The following PAK2 variants were observed in gnomAD, a reference collection of about 807,000 sequenced individuals.
PAK2 encodes the protein p21 (RAC1) activated kinase 2.
Under a neutral mutation model 65.9 loss-of-function variants are expected in PAK2, and 21 were observed. The observed-to-expected ratio is 0.32, with a 90% CI of 0.23 to 0.46. PAK2 has a LOEUF of 0.46. Ranked by LOEUF, PAK2 falls within the 20% of genes least tolerant of loss-of-function variation. The pLI is 1.00. For synonymous variants in PAK2, 204 were observed against 219.7 expected, an observed-to-expected ratio of 0.93 and a Z score of 0.63; for missense variants, 324 against 642.6, an observed-to-expected ratio of 0.50 and a Z score of 5.36.
At chr3:196,764,841 C>CTTTTTTTTTTTTTTTTT (rs57199433) in intron 1 of PAK2, among the ~76,000 whole-genome samples, 1 of 107,640 alleles carries the variant, frequency 9.3e-6, no homozygotes, top group Non-Finnish European at 1.9e-5. Context: ...TCTTTTCTTT[C>CTTTTTTTTTTTTTTTTT]TTTTTTTTTT....
At chr3:196,755,263 T>C (rs1045151102) in intron 1 of PAK2, among the ~76,000 whole-genome samples, 1 of 152,158 alleles carries the variant, frequency 6.6e-6, no homozygotes, top group Non-Finnish European at 1.5e-5. Context: ...GATTGATAGA[T>C]TTTCACTTTG....
At chr3:196,753,874 T>C (rs187858856) in intron 1 of PAK2, among the ~76,000 whole-genome samples, 15 of 152,370 alleles carry the variant, frequency 9.8e-5, no homozygotes, top group African/African-American at 3.6e-4. Flanking sequence ...ATGATCTTTG[T>C]ACTTGGTGCT....
chr3:196,812,392 G>C (rs570601062), intron 9 of PAK2, 125 bp downstream of exon 9: 2 of 706,294 alleles, frequency 2.8e-6, no homozygotes, highest in Non-Finnish European at 5.2e-6. Context: ...ATCGCTCTAC[G>C]TATGTTTATA....
intron 1 of PAK2, among the ~76,000 whole-genome samples, chr3:196,779,796 G>A (rs1254146149): frequency 1.3e-5 from 2 of 152,014 alleles, no homozygotes; most frequent in African/African-American, 4.8e-5. Context: ...TCAGCCTCCC[G>A]AGTAGCTGGG....
At chr3:196,751,661 ATT>A (rs138492901) in intron 1 of PAK2, among the ~76,000 whole-genome samples, 2,645 of 48,402 alleles carry the variant, frequency 0.055, 378 homozygotes, top group African/African-American at 0.13. Flanking sequence ...AAACACACAA[ATT>A]TATTTATATA....
At chr3:196,785,135 A>C (rs1714844239) in intron 2 of PAK2, 1 of 152,252 alleles carries the variant, frequency 6.6e-6, no homozygotes, top group Admixed American at 6.5e-5. Context: ...TGCAGCTCAT[A>C]TTAAAAACCA....
Position 196,807,812 on chromosome 3 carries a change from C to T in PAK2, c.607C>T (p.Pro203Ser). ...IYTRSVIDPVPAPVGDSHVDG... is the reference protein window; with the variant it reads ...IYTRSVIDPVSAPVGDSHVDG... Reference sequence around the variant, plus strand: ...CACACGGTCTGTAATTGACCCTGTTCCTGCACCAGTTGGTGATTCACATGT... The same window carrying T: ...CACACGGTCTGTAATTGACCCTGTTTCTGCACCAGTTGGTGATTCACATGT... The change falls in exon 7 of 15, where the codon CCT becomes TCT. Residue 203 changes from proline to serine, a missense_variant. By Grantham distance (74) the Pro-to-Ser change is moderately conservative. Transcript: ENST00000327134. The T allele has an allele frequency of 2.5e-6, 4 of 1,611,192 alleles. No individual in the cohort carries two copies. Among genetic ancestry groups the T allele is most frequent in the Non-Finnish European group, 3.4e-6 (4 of 1,178,252 alleles).
At chr3:196,799,877 G>A (rs1715366296) in intron 2 of PAK2, among the ~76,000 whole-genome samples, 1 of 152,164 alleles carries the variant, frequency 6.6e-6, no homozygotes, top group South Asian at 2.1e-4. Flanking sequence ...GTCTCCCAAA[G>A]TGCCAGGATT....
chr3:196,759,381 A>G (rs149691122), intron 1 of PAK2, among the ~76,000 whole-genome samples: 2,307 of 150,826 alleles, frequency 0.015, 103 homozygotes, highest in Admixed American at 0.097. Flanking sequence ...CTCTGCATCT[A>G]TGTTTGGCCC....
chr3:196,814,200 A>T (rs1054839849), intron 10 of PAK2, among the ~76,000 whole-genome samples: 1 of 152,138 alleles, frequency 6.6e-6, no homozygotes, highest in Admixed American at 6.6e-5. Context: ...GGGTTATTTT[A>T]ATCAGAATGA....
chr3:196,810,246 T>C (rs138983060), intron 7 of PAK2, among the ~76,000 whole-genome samples: 1 of 152,078 alleles, frequency 6.6e-6, no homozygotes, highest in Non-Finnish European at 1.5e-5. Context: ...GCTGAACATC[T>C]GAGAACCTAA....
At chr3:196,765,166 G>A (rs1460017252) in intron 1 of PAK2, among the ~76,000 whole-genome samples, 2 of 54,738 alleles carry the variant, frequency 3.7e-5, no homozygotes, top group African/African-American at 8.1e-5. Context: ...TTTTTTTTTT[G>A]AGACAGGGTC....
chr3:196,746,939 A>AT, intron 1 of PAK2, among the ~76,000 whole-genome samples: 1 of 151,372 alleles, frequency 6.6e-6, no homozygotes. Flanking sequence ...TTTCTTTTAG[A>AT]TTTTCAAATC....
chr3:196,792,942 C>T (rs573531922), intron 2 of PAK2, among the ~76,000 whole-genome samples: 1 of 152,268 alleles, frequency 6.6e-6, no homozygotes, highest in Non-Finnish European at 1.5e-5. Flanking sequence ...CAGAGAAACA[C>T]ATAACCTAAG....
At chr3:196,806,132 T>C (rs1164010493) in intron 5 of PAK2, among the ~76,000 whole-genome samples, 2 of 151,822 alleles carry the variant, frequency 1.3e-5, no homozygotes, top group Non-Finnish European at 2.9e-5. Flanking sequence ...AGGATGGTCT[T>C]GATCTCCTGA....
chr3:196,802,103 A>G, intron 3 of PAK2, 76 bp downstream of exon 3: 1 of 866,480 alleles, frequency 1.2e-6, no homozygotes, highest in Non-Finnish European at 2.0e-6. Flanking sequence ...ATTAAATTTG[A>G]AATTAACATT....
intron 1 of PAK2, among the ~76,000 whole-genome samples, chr3:196,755,529 G>T (rs1158518485): frequency 1.3e-5 from 2 of 150,646 alleles, no homozygotes; most frequent in African/African-American, 4.9e-5. Context: ...CACAATCTCG[G>T]CCCTCTGTAA....
At chr3:196,817,572 C>T (rs1482578325) in intron 11 of PAK2, among the ~76,000 whole-genome samples, 2 of 151,612 alleles carry the variant, frequency 1.3e-5, no homozygotes, top group Non-Finnish European at 1.5e-5. Context: ...AGGCTGGTCT[C>T]GAACTGCTGA....
chr3:196,812,608 CA>C, intron 9 of PAK2, 130 bp from the exon 10 acceptor site: 2 of 601,384 alleles, frequency 3.3e-6, no homozygotes, highest in Non-Finnish European at 5.9e-6. Context: ...GTGTGCAAGG[CA>C]AGGTGCCACC....
Sources: gnomAD v4.1 joint callset for allele counts (sites outside exome capture counted in the v4.1 genomes callset) on GRCh38, gnomAD v4.1.1 for gene constraint, MANE v1.5 for transcripts, NCBI Gene and HGNC (gene_info 2026-07-23, HGNC 2026-07-21) for gene names.